HELZ: variants seen among roughly 807,000 people sequenced by gnomAD.
HELZ encodes ATP-dependent RNA helicase with zinc finger domain.
HELZ carries 23 observed loss-of-function variants against 218.2 expected under a neutral mutation model. The ratio of observed to expected loss-of-function variants is 0.11; its 90% confidence interval spans 0.08 to 0.15. The LOEUF (loss-of-function observed/expected upper bound fraction) is 0.15, where lower values mean the gene tolerates loss of function less well. Ranked by LOEUF, HELZ falls within the 10% of genes least tolerant of loss-of-function variation. The pLI, the probability that HELZ is intolerant of heterozygous loss-of-function variation, is 1.00. For synonymous variants in HELZ, 814 were observed against 829.4 expected, an observed-to-expected ratio of 0.98 and a Z score of 0.32; for missense variants, 1,813 against 2,353.7, an observed-to-expected ratio of 0.77 and a Z score of 4.75.
intron 12 of HELZ, among the ~76,000 whole-genome samples, chr17:67,181,772 C>T (rs891384941): frequency 6.6e-6 from 1 of 151,992 alleles, no homozygotes; most frequent in Non-Finnish European, 1.5e-5. Context: ...AAGTCTTTAA[C>T]TCGGATGTCA....
intron 20 of HELZ, among the ~76,000 whole-genome samples, chr17:67,146,919 A>G (rs1003320264): frequency 6.6e-6 from 1 of 152,130 alleles, no homozygotes; most frequent in African/African-American, 2.4e-5. Flanking sequence ...CCTGATGTGG[A>G]TTAGGGTTAC....
intron 28 of HELZ, among the ~76,000 whole-genome samples, chr17:67,111,926 T>C (rs3785575): frequency 0.3 from 45,637 of 152,108 alleles, 7,953 homozygotes; most frequent in East Asian, 0.69. Context: ...AAGGAGGTCA[T>C]AATCAGGTGT....
At position 67,190,195 on chromosome 17, in the gene HELZ, T is replaced by A. The variant is rs2039856468; in HGVS notation, c.718A>T (p.Ile240Leu). 1 of 1,614,102 alleles carries A rather than the reference T, an allele frequency of 6.2e-7. No homozygotes were observed. Among genetic ancestry groups the A allele is most frequent in the Non-Finnish European group, 8.5e-7 (1 of 1,179,958 alleles). ...QLSGSYMETL[I>L]EKWMNSLSPE... is the part of the protein sequence containing the mutation. ...GACAATGAATTCATCCACTTTTCTA[T>A]CAAGGTTTCCATGTAACTGCCTGAG... Residue 240 changes from isoleucine to leucine, a missense_variant, in exon 10 of 33, where the codon ATA (isoleucine) becomes TTA (leucine). Physicochemically the swap from Ile to Leu is conservative, Grantham distance 5. Around this residue, in one of 4 missense-constraint regions of HELZ, gnomAD observed 714 missense variants for 1,029.2 expected, o/e 0.69. Coordinates refer to ENST00000358691, the MANE Select transcript of HELZ (RefSeq NM_014877.4).
At position 67,130,784 on chromosome 17, in the gene HELZ, A is replaced by C. The variant is rs185404495; in HGVS notation, c.3183-1929T>G. Among the ~76,000 whole-genome samples the C allele has an allele frequency of 5.1e-4, 77 of 152,368 alleles. 1 individual carries two copies. In the East Asian group the frequency reaches 0.014, roughly 27 times the overall value. On this transcript the variant is annotated intron_variant, in intron 23 of 32. Transcript: ENST00000358691. ...AAAGGTCTTTTTAGTCTAATTGATA[A>C]AGTATCAGTTTCACAGAGTGGCATT...
In HELZ at chr17:67,108,362, G is replaced by A. The variant is rs773218415; in HGVS notation, c.4724+130C>T. 27 of 679,556 alleles carry A rather than the reference G, an allele frequency of 4.0e-5. 1 individual carries two copies. Among genetic ancestry groups the A allele is most frequent in the East Asian group, 3.8e-4 (14 of 36,802 alleles). The allele number at this position is 679,556 out of a possible 1,614,324, so 42.1% of individuals were successfully genotyped here. A position where few individuals can be genotyped will look rare whatever the true frequency, so the allele number is the denominator to read the frequency against. On this transcript the variant is annotated intron_variant, in intron 30 of 32. Coordinates refer to ENST00000358691, the MANE Select transcript of HELZ (RefSeq NM_014877.4). This position sits in a 1 kb window ranked among gnomAD's most constrained non-coding sequence, Gnocchi z 4.1. ...AGAGTCAACAAGAGAACTGTGTAGC[G>A]TGTGCTTGGAAGGCCAGCATCCAAT...
Position 67,120,505 on chromosome 17 carries a change from T to C in HELZ, c.3738A>G (p.Gly1246=), listed in dbSNP as rs1263566558. ...NMNLLQTHGR[G]SPIPYGLGHH... ...GTCCAAGGCCATAAGGAATAGGAGA[T>C]CCTCGTCCATGTGTCTGTAATAGGT... The change falls in exon 27 of 33, where the codon GGA becomes GGG. Residue 1246 remains glycine, a synonymous_variant. Transcript: ENST00000358691. The C allele has an allele frequency of 6.2e-7, 1 of 1,613,770 alleles. No individual in the cohort carries two copies. Among genetic ancestry groups the C allele is most frequent in the East Asian group, 2.2e-5 (1 of 44,892 alleles).
intron 13 of HELZ, among the ~76,000 whole-genome samples, chr17:67,175,557 G>T (rs1310450689): frequency 6.6e-6 from 1 of 152,154 alleles, no homozygotes; most frequent in Non-Finnish European, 1.5e-5. Flanking sequence ...CACAATCTAT[G>T]TTTACTTGCT....
At chr17:67,093,469 A>G (rs577759498) in intron 31 of HELZ, among the ~76,000 whole-genome samples, 1 of 152,358 alleles carries the variant, frequency 6.6e-6, no homozygotes, top group South Asian at 2.1e-4. Flanking sequence ...ACAATTTCAC[A>G]CAGTTGAAGG....
At chr17:67,152,001 T>C (rs2038698311) in intron 17 of HELZ, among the ~76,000 whole-genome samples, 1 of 152,160 alleles carries the variant, frequency 6.6e-6, no homozygotes, top group Non-Finnish European at 1.5e-5. Context: ...TACTCTGAGT[T>C]TGATGAAAAG....
intron 5 of HELZ, among the ~76,000 whole-genome samples, chr17:67,208,361 C>T (rs1238429926): frequency 6.6e-6 from 1 of 152,158 alleles, no homozygotes; most frequent in Non-Finnish European, 1.5e-5. Context: ...TCAGTCTACA[C>T]ATGATCAAAA....
chr17:67,245,525 C>T, upstream of HELZ: 2 of 985,176 alleles, frequency 2.0e-6, no homozygotes, highest in Middle Eastern at 5.2e-4. Context: ...CCCGAGGTTT[C>T]CTTGCCGCCC....
intron 29 of HELZ, 42 bp downstream of exon 29, chr17:67,109,072 TAA>T: frequency 7.0e-7 from 1 of 1,432,136 alleles, no homozygotes; most frequent in South Asian, 1.3e-5. Flanking sequence ...CAAGTCATGT[TAA>T]GTAATCTCTG....
chr17:67,123,059 C>T lies in HELZ; in HGVS notation c.3541G>A (p.Val1181Ile). 6.2e-7 allele frequency: 1 copy of T among 1,613,474 alleles called. No individual in the cohort carries two copies. Among genetic ancestry groups the T allele is most frequent in the Non-Finnish European group, 8.5e-7 (1 of 1,179,442 alleles). Residue 1181 changes from valine (V) to isoleucine (I), a missense_variant, in exon 26 of 33, where the codon GTT (valine) becomes ATT (isoleucine). Val to Ile is a conservative substitution (Grantham distance 29, BLOSUM62 3). This residue lies in a region of HELZ where 938 missense variants were observed against 1,027.5 expected (regional missense o/e 0.91). Transcript: ENST00000358691. The stretch of plus-strand genomic sequence containing the variant: ...CCAGTGTGAGGATCTATTCTTTGAA[C>T]AGGGCTTGGAGATTTTCCCAAATTT... ...HPNLGKSPSP[V>I]QRIDPHTGTS...
At chr17:67,124,127 A>G in intron 24 of HELZ, 113 bp from the exon 25 acceptor site, 1 of 691,948 alleles carries the variant, frequency 1.4e-6, no homozygotes, top group Non-Finnish European at 2.4e-6. Flanking sequence ...TTAAAATCTA[A>G]AAACTGTGAG....
At chr17:67,079,011 T>C (rs1268797880) in intron 32 of HELZ, among the ~76,000 whole-genome samples, 1 of 152,230 alleles carries the variant, frequency 6.6e-6, no homozygotes, top group Non-Finnish European at 1.5e-5. Context: ...AATAGTGCCA[T>C]GGGATTCCAT....
chr17:67,150,598 T>C (rs917754766), intron 18 of HELZ, among the ~76,000 whole-genome samples: 19 of 152,150 alleles, frequency 1.2e-4, no homozygotes, highest in African/African-American at 4.3e-4. Flanking sequence ...ATAATTATCA[T>C]CTCTACAGTA....
At chr17:67,244,584 G>T (rs956204741) in intron 1 of HELZ, 14 of 963,106 alleles carry the variant, frequency 1.5e-5, no homozygotes, top group Non-Finnish European at 1.6e-5. Flanking sequence ...GGAGGGGGCG[G>T]GGAAAGGGGG....
chr17:67,158,955 C>T (rs919993932), intron 17 of HELZ, among the ~76,000 whole-genome samples: 1 of 152,130 alleles, frequency 6.6e-6, no homozygotes, highest in African/African-American at 2.4e-5. Flanking sequence ...GGGGGCTTTA[C>T]TCCACTGTTT....
chr17:67,126,942 C>T (rs1243142278), intron 24 of HELZ, among the ~76,000 whole-genome samples: 4 of 152,110 alleles, frequency 2.6e-5, no homozygotes, highest in Admixed American at 6.6e-5. Context: ...TCTCTTATAC[C>T]GGGAGTCTTT....
Sources: allele counts gnomAD v4.1 joint callset (sites outside exome capture counted in the v4.1 genomes callset), GRCh38; gene constraint gnomAD v4.1.1; regional missense constraint gnomAD v4.1.1; non-coding constraint Gnocchi (gnomAD v3.1); transcripts MANE v1.5; gene names NCBI Gene and HGNC (gene_info 2026-07-23, HGNC 2026-07-21).